Variants in ANKRD44 observed in about 807,000 individuals in gnomAD.
The protein encoded by ANKRD44 is ankyrin repeat domain 44.
Under a neutral mutation model 116.0 loss-of-function variants are expected in ANKRD44, and 35 were observed. The observed-to-expected ratio is 0.30, with a 90% CI of 0.23 to 0.40. The LOEUF is 0.40. Ranked by LOEUF, ANKRD44 falls within the 10% of genes least tolerant of loss-of-function variation. The pLI, the probability that ANKRD44 is intolerant of heterozygous loss-of-function variation, is 1.00. For synonymous variants in ANKRD44, 435 were observed against 461.8 expected (o/e 0.94, Z 0.74); for missense variants, 1,014 against 1,242.6 (o/e 0.82, Z 2.77).
chr2:197,008,015 CTT>C, intron 19 of ANKRD44, 92 bp from the exon 20 acceptor site: 2 of 720,158 alleles, frequency 2.8e-6, no homozygotes, highest in Non-Finnish European at 4.6e-6. Context: ...CTCCCATTCT[CTT>C]CCCCTCTCCT....
Position 196,993,631 on chromosome 2 carries a change from CA to C in ANKRD44, c.2874del (p.Glu959ArgfsTer13). 7.7e-6 allele frequency: 12 copies of C among 1,551,078 alleles called. No individual in the cohort carries two copies. The highest frequency in any genetic ancestry group is 1.0e-5 in the Non-Finnish European group (12 of 1,147,086). On this transcript the variant is annotated frameshift_variant, in exon 27 of 28. Transcript: ENST00000282272. LOFTEE classifies it high-confidence loss of function. The stretch of plus-strand genomic sequence containing the variant: ...CAGGCCCCTTTGGCCAGCAACTCCT[CA>C]ACTACCACCTTTAAGCCATTGCGCG... ...VAARNGLKVV[V>X]EELLAKGACV...
At chr2:197,055,713 C>T (rs2077190870) in intron 16 of ANKRD44, among the ~76,000 whole-genome samples, 2 of 152,154 alleles carry the variant, frequency 1.3e-5, no homozygotes, top group South Asian at 4.1e-4. Flanking sequence ...CTACTATGCA[C>T]CTTTATCATT....
chr2:197,157,262 T>G (rs1487648262), intron 2 of ANKRD44, among the ~76,000 whole-genome samples: 1 of 152,206 alleles, frequency 6.6e-6, no homozygotes, highest in East Asian at 1.9e-4. Context: ...CAAAATCGAA[T>G]TAACCAATAG....
intron 2 of ANKRD44, among the ~76,000 whole-genome samples, chr2:197,171,613 G>C (rs1032640744): frequency 1.3e-5 from 2 of 152,222 alleles, no homozygotes; most frequent in Admixed American, 6.5e-5. Context: ...AATGGTGGAT[G>C]TAAGATATGC....
At chr2:196,968,316 A>C (rs146910905) in intron 21 of ANKRD44, among the ~76,000 whole-genome samples, 213 of 152,308 alleles carry the variant, frequency 1.4e-3, no homozygotes, top group African/African-American at 5.0e-3. Flanking sequence ...GGTTCCACAA[A>C]GGGCCATTGG....
intron 3 of ANKRD44, among the ~76,000 whole-genome samples, chr2:197,138,704 CCA>C (rs2079281524): frequency 6.6e-6 from 1 of 152,102 alleles, no homozygotes; most frequent in African/African-American, 2.4e-5. Flanking sequence ...GTAGATTTGA[CCA>C]CACTGTGTTT....
rs778459937 is a variant in ANKRD44, at chr2:196,979,382, CAAAAAAA to C, written c.2369-11943_2369-11937del. On this transcript the variant is annotated intron_variant, in intron 21 of 21. Coordinates refer to the ANKRD44 transcript ENST00000424317. The stretch of plus-strand genomic sequence containing the variant: ...TAGGCGACAGAGCGAGACTCCGTCT[CAAAAAAA>C]AAAAAAAAAAAAAAAAAGAATGAAT... Among the ~76,000 whole-genome samples the C allele has an allele frequency of 3.9e-3, 160 of 40,558 alleles. 2 individuals are homozygous for C. Among genetic ancestry groups the C allele is most frequent in the African/African-American group, 0.013 (152 of 12,144 alleles). 26.6% of individuals were successfully genotyped at this position (40,558 alleles called of 152,430 possible). A position where few individuals can be genotyped will look rare whatever the true frequency, so the allele number is the denominator to read the frequency against.
intron 2 of ANKRD44, among the ~76,000 whole-genome samples, chr2:197,151,123 CAAAAAA>C (rs57630063): frequency 2.1e-5 from 3 of 139,696 alleles, no homozygotes; most frequent in Non-Finnish European, 1.5e-5. Context: ...TGAAAATATG[CAAAAAA>C]AAAAAAAAAA....
intron 1 of ANKRD44, among the ~76,000 whole-genome samples, chr2:197,239,123 G>A (rs761669894): frequency 6.6e-5 from 10 of 152,140 alleles, no homozygotes; most frequent in Non-Finnish European, 1.3e-4. Context: ...CCAATTCCAG[G>A]CATCAGGAAG....
At chr2:197,192,326 T>C (rs1168591746) in intron 1 of ANKRD44, among the ~76,000 whole-genome samples, 1 of 152,184 alleles carries the variant, frequency 6.6e-6, no homozygotes, top group Non-Finnish European at 1.5e-5. Flanking sequence ...TCCTGGTGTG[T>C]TGCTTGTGTT....
At chr2:197,025,296 C>A in intron 16 of ANKRD44, 29 bp from the exon 17 acceptor site, 1 of 1,586,128 alleles carries the variant, frequency 6.3e-7, no homozygotes, top group Non-Finnish European at 8.6e-7. Context: ...AACAATAGTA[C>A]GTGAGTCCAA....
At chr2:197,129,186 G>C (rs1433484986) in intron 4 of ANKRD44, among the ~76,000 whole-genome samples, 3 of 151,376 alleles carry the variant, frequency 2.0e-5, no homozygotes, top group African/African-American at 7.3e-5. Flanking sequence ...GCCCAGCCTG[G>C]AGTGCAGTGG....
At chr2:197,247,032 G>C (rs564909649) in intron 1 of ANKRD44, among the ~76,000 whole-genome samples, 22 of 152,188 alleles carry the variant, frequency 1.4e-4, no homozygotes, top group African/African-American at 5.3e-4. Context: ...CTTCCCCTTT[G>C]TTCCTTCCTT....
At chr2:197,055,567 G>T (rs2077188153) in intron 16 of ANKRD44, among the ~76,000 whole-genome samples, 1 of 152,092 alleles carries the variant, frequency 6.6e-6, no homozygotes, top group South Asian at 2.1e-4. Flanking sequence ...AAACATTATT[G>T]TTGTACCTTT....
At chr2:197,233,089 C>G (rs1223892294) in intron 1 of ANKRD44, among the ~76,000 whole-genome samples, 2 of 152,172 alleles carry the variant, frequency 1.3e-5, no homozygotes, top group Non-Finnish European at 2.9e-5. Flanking sequence ...CGTTGCACAC[C>G]CTCGTGCTGG....
chr2:197,017,381 C>G (rs2076412578), intron 17 of ANKRD44, among the ~76,000 whole-genome samples: 2 of 152,074 alleles, frequency 1.3e-5, no homozygotes, highest in South Asian at 4.1e-4. Flanking sequence ...TTTACCTTAT[C>G]TTTTAAAATA....
rs1346706047 is a variant in ANKRD44 at position 197,201,143 on chromosome 2, G to C, written c.28-14037C>G. Reference sequence around the variant, plus strand: ...GAGGTGGTGCCACAGAGAAGTCTATGATTCTCTCTTTTTCATTACCCATCC... The same window carrying C: ...GAGGTGGTGCCACAGAGAAGTCTATCATTCTCTCTTTTTCATTACCCATCC... On this transcript the variant is annotated intron_variant, in intron 1 of 27. Transcript: ENST00000282272. This position sits in a 1 kb window ranked among gnomAD's most constrained non-coding sequence, Gnocchi z 4.0. 6.6e-6 allele frequency among the ~76,000 whole-genome samples: 1 copy of C among 152,104 alleles called. No homozygotes were observed. The highest frequency in any genetic ancestry group is 1.9e-4 in the East Asian group (1 of 5,190).
At chr2:197,199,489 C>T (rs1206784856) in intron 1 of ANKRD44, among the ~76,000 whole-genome samples, 1 of 152,210 alleles carries the variant, frequency 6.6e-6, no homozygotes, top group Non-Finnish European at 1.5e-5. Flanking sequence ...AAAGAAAAAA[C>T]TTAATAACCT....
At chr2:197,042,784 T>A (rs1451844603) in intron 16 of ANKRD44, among the ~76,000 whole-genome samples, 1 of 152,202 alleles carries the variant, frequency 6.6e-6, no homozygotes, top group Non-Finnish European at 1.5e-5. Context: ...ATTCTGAAAG[T>A]GAATCATGTT....
Sources: gnomAD v4.1 joint callset for allele counts (sites outside exome capture counted in the v4.1 genomes callset) on GRCh38, gnomAD v4.1.1 for gene constraint, Gnocchi (gnomAD v3.1) non-coding constraint, MANE v1.5 for transcripts, NCBI Gene and HGNC (gene_info 2026-07-23, HGNC 2026-07-21) for gene names.